The following RANBP9 variants were observed in gnomAD, a reference collection of about 807,000 sequenced individuals.
RANBP9 encodes the protein ran-binding protein 9.
A neutral mutation model predicts 84.3 loss-of-function variants in RANBP9; 15 were observed. The observed-to-expected ratio is 0.18, with a 90% confidence interval of 0.12 to 0.27. The LOEUF (loss-of-function observed/expected upper bound fraction) is 0.27, where lower values mean the gene tolerates loss of function less well. Among genes scored for constraint, RANBP9 ranks in the 10% least tolerant of loss-of-function variants. The probability of loss-of-function intolerance (pLI) is 1.00; values close to 1 mark genes in which losing one functional copy is unlikely to be tolerated. For synonymous variants in RANBP9, 392 were observed against 349.6 expected (o/e 1.12, Z -1.35); for missense variants, 809 against 912.8 (o/e 0.89, Z 1.46).
At chr6:13,659,263 C>T (rs868575818) in intron 2 of RANBP9, among the ~76,000 whole-genome samples, 8 of 136,838 alleles carry the variant, frequency 5.8e-5, no homozygotes, top group African/African-American at 2.1e-4. Context: ...CACATACACA[C>T]ACACACACAC....
In RANBP9 at chr6:13,686,474, A is replaced by G. The variant is rs772121989; in HGVS notation, c.683+10311T>C. Among the ~76,000 whole-genome samples, 126 of 151,748 alleles carry G rather than the reference A, an allele frequency of 8.3e-4. 2 individuals carry two copies. The highest frequency in any genetic ancestry group is 1.5e-3 in the Non-Finnish European group (100 of 67,922). On this transcript the variant is annotated intron_variant, in intron 2 of 13. Coordinates refer to ENST00000011619, the MANE Select transcript of RANBP9 (RefSeq NM_005493.3). Reference sequence around the variant, plus strand: ...ATTTTTTTGTATTTTGGGTAGAGACAGGGTTTTACCATGTTGGCCAGGCTG... The same window carrying G: ...ATTTTTTTGTATTTTGGGTAGAGACGGGGTTTTACCATGTTGGCCAGGCTG...
intron 10 of RANBP9, among the ~76,000 whole-genome samples, chr6:13,636,908 G>A (rs781047726): frequency 1.3e-5 from 2 of 151,946 alleles, no homozygotes; most frequent in Non-Finnish European, 2.9e-5. Context: ...TTTCCATTAA[G>A]ATTCCATGCT....
intron 13 of RANBP9, among the ~76,000 whole-genome samples, 185 bp from the exon 14 acceptor site, chr6:13,622,677 G>T (rs1242064134): frequency 6.6e-6 from 1 of 152,192 alleles, no homozygotes; most frequent in Admixed American, 6.5e-5. Flanking sequence ...TGACAAGGTA[G>T]TGTGGGTATT....
chr6:13,684,079 G>C (rs1766109507), intron 2 of RANBP9, among the ~76,000 whole-genome samples: 1 of 152,072 alleles, frequency 6.6e-6, no homozygotes, highest in South Asian at 2.1e-4. Flanking sequence ...ACTATGCACA[G>C]CAAGTGCTAG....
intron 2 of RANBP9, among the ~76,000 whole-genome samples, chr6:13,688,660 G>A (rs965773402): frequency 6.6e-6 from 1 of 151,450 alleles, no homozygotes; most frequent in African/African-American, 2.4e-5. Context: ...AAATCTCCTC[G>A]TCTGTTATTT....
intron 2 of RANBP9, among the ~76,000 whole-genome samples, chr6:13,669,034 GACT>G (rs922602220): frequency 1.3e-5 from 2 of 151,646 alleles, no homozygotes; most frequent in African/African-American, 4.8e-5. Flanking sequence ...AGTTCAACAA[GACT>G]ACAAGATACA....
At chr6:13,634,352 G>A in intron 11 of RANBP9, 79 bp downstream of exon 11, 1 of 1,499,106 alleles carries the variant, frequency 6.7e-7, no homozygotes, top group Non-Finnish European at 9.1e-7. Context: ...ATGCTCATCA[G>A]CTGTGAATCA....
chr6:13,704,122 C>A (rs1758040211), intron 1 of RANBP9, among the ~76,000 whole-genome samples: 1 of 152,182 alleles, frequency 6.6e-6, no homozygotes, highest in African/African-American at 2.4e-5. Context: ...TTACCACTGA[C>A]CCAGCTGAGG....
At chr6:13,637,770 T>G (rs1030701788) in intron 10 of RANBP9, 38 bp downstream of exon 10, 3 of 1,500,134 alleles carry the variant, frequency 2.0e-6, no homozygotes, top group African/African-American at 1.4e-5. Flanking sequence ...TATAACTAGG[T>G]TGCTTATATT....
chr6:13,642,698 T>C, intron 6 of RANBP9, 107 bp from the exon 7 acceptor site: 2 of 648,820 alleles, frequency 3.1e-6, no homozygotes. Flanking sequence ...AACGAACCTA[T>C]TTCCTTGAAA....
intron 1 of RANBP9, among the ~76,000 whole-genome samples, chr6:13,706,289 A>G (rs531297328): frequency 6.8e-4 from 104 of 152,310 alleles, no homozygotes; most frequent in African/African-American, 2.5e-3. Flanking sequence ...GCTTGCAGTG[A>G]GCCGAGATGG....
At chr6:13,677,124 G>GA (rs534542738) in intron 2 of RANBP9, among the ~76,000 whole-genome samples, 2 of 151,988 alleles carry the variant, frequency 1.3e-5, no homozygotes, top group Admixed American at 1.3e-4. Context: ...AGAATTGACA[G>GA]AAAAAAACCT....
Position 13,683,612 on chromosome 6 carries a change from G to A in RANBP9, c.683+13173C>T, listed in dbSNP as rs532378188. Among the ~76,000 whole-genome samples the A allele has an allele frequency of 3.3e-5, 5 of 152,116 alleles. No individual in the cohort carries two copies. The East Asian group carries it at 9.7e-4, about 29-fold the overall frequency. ...CAGTTTTAATAGAGAAAAAAAGCTG[G>A]AGAGAATATACTCCAAAATGTCAAC... On this transcript the variant is annotated intron_variant, in intron 2 of 13. Coordinates refer to ENST00000011619, the MANE Select transcript of RANBP9 (RefSeq NM_005493.3).
chr6:13,659,712 C>G (rs78348777), intron 2 of RANBP9, among the ~76,000 whole-genome samples: 7,756 of 152,136 alleles, frequency 0.051, 210 homozygotes, highest in Middle Eastern at 0.085. Flanking sequence ...ATTCGGCCAC[C>G]ATTCCTAATA....
chr6:13,669,452 C>T (rs559012949), intron 2 of RANBP9, among the ~76,000 whole-genome samples: 2 of 152,282 alleles, frequency 1.3e-5, no homozygotes, highest in South Asian at 4.1e-4. Flanking sequence ...AGTTGGAAGA[C>T]TCACACATTC....
rs1758287790 is a variant in RANBP9, at chr6:13,711,523, C to T, written c.-18G>A. 3.2e-6 allele frequency: 4 copies of T among 1,245,948 alleles called. No homozygotes were observed. The highest frequency in any genetic ancestry group is 3.3e-5 in the South Asian group (1 of 30,366). 77.2% of individuals were successfully genotyped at this position (1,245,948 alleles called of 1,614,324 possible). On this transcript the variant is annotated 5_prime_UTR_variant, in exon 1 of 14. Transcript: ENST00000011619. ...CCGGACATCCCGGCCGCGACTCAGCCTGCGGCCACCTCCACCTCTTCTCTC... is the reference window on the plus strand; with the variant it reads ...CCGGACATCCCGGCCGCGACTCAGCTTGCGGCCACCTCCACCTCTTCTCTC...
At chr6:13,707,149 A>G (rs1758149399) in intron 1 of RANBP9, among the ~76,000 whole-genome samples, 1 of 152,052 alleles carries the variant, frequency 6.6e-6, no homozygotes, top group Non-Finnish European at 1.5e-5. Context: ...TCAGCCTCCT[A>G]AGTGGCTGGG....
At position 13,677,132 on chromosome 6, in the gene RANBP9, C is replaced by A. The variant is rs189301757; in HGVS notation, c.684-18300G>T. Among the ~76,000 whole-genome samples, 1,298 of 152,104 alleles carry A rather than the reference C, an allele frequency of 8.5e-3. 15 individuals carry two copies. The highest frequency in any genetic ancestry group is 0.029 in the African/African-American group (1,215 of 41,476). On this transcript the variant is annotated intron_variant, in intron 2 of 13. Transcript: ENST00000011619. ...ACATCAAAGAATTGACAGAAAAAAACCTCTTGGAAAAAATAAGCAATCATA... is the reference window on the plus strand; with the variant it reads ...ACATCAAAGAATTGACAGAAAAAAAACTCTTGGAAAAAATAAGCAATCATA...
intron 6 of RANBP9, 64 bp downstream of exon 6, chr6:13,644,481 C>A: frequency 6.7e-7 from 1 of 1,496,808 alleles, no homozygotes; most frequent in South Asian, 1.2e-5. Context: ...TGGATACCAA[C>A]AGAATAAATG....
Sources: gnomAD v4.1 joint callset for allele counts (sites outside exome capture counted in the v4.1 genomes callset) on GRCh38, gnomAD v4.1.1 for gene constraint, MANE v1.5 for transcripts, NCBI Gene and HGNC (gene_info 2026-07-23, HGNC 2026-07-21) for gene names.